Variants in SLC2A9 observed in about 807,000 individuals in gnomAD.
The protein encoded by SLC2A9 is solute carrier family 2 member 9, also known as solute carrier family 2, facilitated glucose transporter member 9.
SLC2A9 carries 39 observed loss-of-function variants against 50.6 expected under a neutral mutation model. The ratio of observed to expected loss-of-function variants is 0.77; its 90% CI spans 0.60 to 1.01. The LOEUF (loss-of-function observed/expected upper bound fraction) is 1.01, where lower values mean the gene tolerates loss of function less well. Among genes scored for constraint, SLC2A9 ranks in the 50% least tolerant of loss-of-function variants. The probability of loss-of-function intolerance (pLI) is 0.00; values close to 1 mark genes in which losing one functional copy is unlikely to be tolerated. For synonymous variants in SLC2A9, 324 were observed against 276.9 expected (o/e 1.17, Z -1.69); for missense variants, 686 against 677.6 (o/e 1.01, Z -0.14).
chr4:9,818,053 G>A (rs1159014566), intron 3 of SLC2A9, among the ~76,000 whole-genome samples: 2 of 152,196 alleles, frequency 1.3e-5, no homozygotes, highest in South Asian at 2.1e-4. Flanking sequence ...TGGGGTTGAG[G>A]ATTATAGGTT....
intron 3 of SLC2A9, among the ~76,000 whole-genome samples, chr4:9,819,660 G>T (rs1352360818): frequency 2.6e-5 from 4 of 152,368 alleles, no homozygotes; most frequent in East Asian, 1.9e-4. Flanking sequence ...TTGGCCCGGT[G>T]TGGTGGCTCA....
intron 2 of SLC2A9, among the ~76,000 whole-genome samples, chr4:10,000,502 A>G (rs1207427506): frequency 6.6e-6 from 1 of 152,208 alleles, no homozygotes; most frequent in Non-Finnish European, 1.5e-5. Flanking sequence ...AGTAATGGCC[A>G]AGAATCCAGG....
chr4:9,915,776 G>A (rs1027156276), intron 7 of SLC2A9, among the ~76,000 whole-genome samples: 2 of 152,220 alleles, frequency 1.3e-5, no homozygotes, highest in African/African-American at 4.8e-5. Flanking sequence ...AACTGCTGCA[G>A]TGAGATGGTC....
chr4:9,985,519 A>G (rs1578193976), intron 4 of SLC2A9, 150 bp downstream of exon 4: 1 of 1,056,562 alleles, frequency 9.5e-7, no homozygotes, highest in East Asian at 2.6e-5. Flanking sequence ...GGACTGTCCC[A>G]CTTTATGCAG....
intron 11 of SLC2A9, 70 bp downstream of exon 11, chr4:9,834,811 A>G: frequency 1.2e-6 from 2 of 1,607,804 alleles, no homozygotes; most frequent in Non-Finnish European, 1.7e-6. Context: ...CTTCTGCTCT[A>G]TGAATCACCC....
At chr4:9,972,562 G>A (rs13126729) in intron 5 of SLC2A9, among the ~76,000 whole-genome samples, 114,266 of 151,906 alleles carry the variant, frequency 0.75, 44,264 homozygotes, top group African/African-American at 0.94. Flanking sequence ...GCAAGTCTCA[G>A]TAGATTCAAA....
At chr4:9,778,639 C>T (rs1354228229), downstream of SLC2A9, among the ~76,000 whole-genome samples, 2 of 152,160 alleles carry the variant, frequency 1.3e-5, no homozygotes, top group South Asian at 2.1e-4. Flanking sequence ...CCATTCCTCC[C>T]TCCTCCGGCT....
At position 9,987,720 on chromosome 4, in the gene SLC2A9, C is replaced by T. The variant is rs546695738; in HGVS notation, c.411-1927G>A. Among the ~76,000 whole-genome samples the T allele has an allele frequency of 2.0e-4, 30 of 152,056 alleles. 1 individual carries two copies. The South Asian group carries it at 4.8e-3, about 24-fold the overall frequency. ...AGTTTTTTTCTCTAAACCAGCCTCT[C>T]GGGAGACTGGGGCAGGAGAACTGCT... On this transcript the variant is annotated intron_variant, in intron 3 of 11. Transcript: ENST00000264784.
intron 10 of SLC2A9, chr4:9,880,335 G>T (rs1734993873): frequency 8.1e-6 from 8 of 985,540 alleles, no homozygotes; most frequent in African/African-American, 1.7e-5. Context: ...GTTGAAGATG[G>T]ATTGAGGAAG....
intron 3 of SLC2A9, among the ~76,000 whole-genome samples, chr4:9,996,393 C>T (rs755884841): frequency 6.6e-6 from 1 of 152,216 alleles, no homozygotes; most frequent in African/African-American, 2.4e-5. Context: ...CTCTATGCCC[C>T]GGGAGCATCT....
rs1028301628 is a variant in SLC2A9 at position 9,980,723 on chromosome 4, C to A, written c.550G>T (p.Val184Leu). The A allele has an allele frequency of 6.2e-7, 1 of 1,614,190 alleles. No homozygotes were observed. The highest frequency in any genetic ancestry group is 8.5e-7 in the Non-Finnish European group (1 of 1,180,020). ...MGIDGGVALS[V>L]LPMYLSEISP... ...ATCTCACTAAGGTACATGGGGAGCACACTGAGGGCGACGCCTGTAGAGAGA... is the reference window on the plus strand; with the variant it reads ...ATCTCACTAAGGTACATGGGGAGCAAACTGAGGGCGACGCCTGTAGAGAGA... Residue 184 changes from valine to leucine, a missense_variant, in exon 5 of 12, where the codon GTG becomes TTG. Transcript: ENST00000264784.
At chr4:9,787,180 T>C (rs531431405) in intron 3 of SLC2A9, among the ~76,000 whole-genome samples, 4 of 152,248 alleles carry the variant, frequency 2.6e-5, no homozygotes, top group Non-Finnish European at 5.9e-5. Context: ...CCAGAACTTG[T>C]TCTGATACAT....
chr4:9,943,030 C>G (rs1040779289), intron 5 of SLC2A9, among the ~76,000 whole-genome samples: 1 of 152,180 alleles, frequency 6.6e-6, no homozygotes, highest in South Asian at 2.1e-4. Context: ...GGGAAGTTAC[C>G]CTCAGGATCC....
intron 10 of SLC2A9, 64 bp from the exon 11 acceptor site, chr4:9,835,072 T>C: frequency 1.2e-6 from 2 of 1,610,518 alleles, no homozygotes; most frequent in South Asian, 2.2e-5. Context: ...CCAGCATCCA[T>C]CTCCATCTGC....
intron 3 of SLC2A9, among the ~76,000 whole-genome samples, chr4:9,992,119 C>T (rs55921149): frequency 0.032 from 4,873 of 152,210 alleles, 122 homozygotes; most frequent in African/African-American, 0.063. Flanking sequence ...TTGTGCTCAC[C>T]GAACCTCCAT....
At chr4:9,896,852 C>T (rs1738645568) in intron 8 of SLC2A9, among the ~76,000 whole-genome samples, 1 of 152,224 alleles carries the variant, frequency 6.6e-6, no homozygotes, top group Non-Finnish European at 1.5e-5. Flanking sequence ...TGAATTACTT[C>T]AGCAACTTTT....
At chr4:9,891,303 G>T (rs1014766572) in intron 8 of SLC2A9, among the ~76,000 whole-genome samples, 25 of 152,296 alleles carry the variant, frequency 1.6e-4, no homozygotes, top group Admixed American at 1.3e-3. Context: ...GCTGGCCCCT[G>T]TGCCCCTTGT....
intron 3 of SLC2A9, among the ~76,000 whole-genome samples, chr4:9,786,024 G>A (rs1365683029): frequency 6.6e-6 from 1 of 152,214 alleles, no homozygotes; most frequent in Non-Finnish European, 1.5e-5. Context: ...AATTCAGGCG[G>A]AGGGAGTGGC....
chr4:9,983,104 G>A (rs1756153831), intron 4 of SLC2A9, among the ~76,000 whole-genome samples: 1 of 152,126 alleles, frequency 6.6e-6, no homozygotes, highest in Non-Finnish European at 1.5e-5. Context: ...CTGACCTCAG[G>A]TGATCCGCCC....
Sources: gnomAD v4.1 joint callset for allele counts (sites outside exome capture counted in the v4.1 genomes callset) on GRCh38, gnomAD v4.1.1 for gene constraint, MANE v1.5 for transcripts, NCBI Gene and HGNC (gene_info 2026-07-23, HGNC 2026-07-21) for gene names.